Variants in AMMECR1 observed in about 807,000 individuals in gnomAD.
AMMECR1 encodes the protein AMMECR nuclear protein 1.
AMMECR1 carries 3 observed loss-of-function variants against 22.5 expected under a neutral mutation model. The ratio of observed to expected loss-of-function variants is 0.13; its 90% CI spans 0.06 to 0.35. The LOEUF (loss-of-function observed/expected upper bound fraction) is 0.35. AMMECR1 is among the 10% of genes least tolerant of loss of function. The pLI is 1.00. For missense variants in AMMECR1, 235 were observed against 278.7 expected (o/e 0.84, Z 1.12); for synonymous variants, 130 against 116.7 (o/e 1.11, Z -0.74).
intron 1 of AMMECR1, among the ~76,000 whole-genome samples, chrX:110,433,742 T>C (rs191205906): frequency 8.9e-6 from 1 of 112,295 alleles, no homozygotes; most frequent in Non-Finnish European, 1.9e-5. Context: ...CTAGCCTTTC[T>C]TCTTATCATG....
At chrX:110,395,551 G>A (rs751692075) in intron 2 of AMMECR1, among the ~76,000 whole-genome samples, 20 of 112,678 alleles carry the variant, frequency 1.8e-4, no homozygotes, top group Admixed American at 1.7e-3. Flanking sequence ...GAGCCTGGAG[G>A]TGACTTGCTC....
At chrX:110,351,472 C>G (rs2068211123) in intron 2 of AMMECR1, among the ~76,000 whole-genome samples, 1 of 111,356 alleles carries the variant, frequency 9.0e-6, no homozygotes, top group African/African-American at 3.3e-5. Context: ...TCAAGGGCAC[C>G]CAGACATTTC....
At chrX:110,414,986 C>G (rs2068667268) in intron 2 of AMMECR1, among the ~76,000 whole-genome samples, 1 of 111,709 alleles carries the variant, frequency 9.0e-6, no homozygotes, top group Non-Finnish European at 1.9e-5. Flanking sequence ...TCTCTGCCTC[C>G]CCATCCTCCA....
intron 3 of AMMECR1, among the ~76,000 whole-genome samples, chrX:110,206,444 C>T (rs2067422226): frequency 8.9e-6 from 1 of 111,983 alleles, no homozygotes; most frequent in Admixed American, 9.5e-5. Flanking sequence ...ACAGTCAAAG[C>T]TTAATATACC....
At chrX:110,224,349 A>AT (rs1457222504) in intron 2 of AMMECR1, among the ~76,000 whole-genome samples, 4 of 111,490 alleles carry the variant, frequency 3.6e-5, no homozygotes, top group African/African-American at 6.5e-5. Context: ...GAATATAAGA[A>AT]TAGATTACTA....
chrX:110,387,144 A>G (rs2068461494), intron 2 of AMMECR1, among the ~76,000 whole-genome samples: 1 of 111,852 alleles, frequency 8.9e-6, no homozygotes, highest in South Asian at 3.8e-4. Context: ...AGAGAAAAAA[A>G]TATTGACTGT....
chrX:110,436,175 G>A (rs1329456425), intron 1 of AMMECR1, among the ~76,000 whole-genome samples: 13 of 112,265 alleles, frequency 1.2e-4, no homozygotes, highest in Non-Finnish European at 2.3e-4. Flanking sequence ...TCTTTGTGAA[G>A]TATCTTTAGA....
intron 2 of AMMECR1, among the ~76,000 whole-genome samples, chrX:110,358,047 T>C (rs2068239664): frequency 8.9e-6 from 1 of 112,193 alleles, no homozygotes; most frequent in Non-Finnish European, 1.9e-5. Context: ...TTTGCCATTT[T>C]ATCAGAAGAA....
At chrX:110,357,748 A>G (rs189053398) in intron 2 of AMMECR1, among the ~76,000 whole-genome samples, 9 of 111,888 alleles carry the variant, frequency 8.0e-5, no homozygotes, top group African/African-American at 2.9e-4. Flanking sequence ...ATGCAGGAGA[A>G]AATACTATGC....
chrX:110,288,164 C>T (rs2067890224), intron 1 of AMMECR1, among the ~76,000 whole-genome samples: 1 of 111,376 alleles, frequency 9.0e-6, no homozygotes, highest in Non-Finnish European at 1.9e-5. Context: ...TGACTTGGAG[C>T]CATCAGATAG....
intron 2 of AMMECR1, among the ~76,000 whole-genome samples, chrX:110,326,111 T>A (rs1477312946): frequency 9.0e-6 from 1 of 111,194 alleles, no homozygotes; most frequent in East Asian, 2.8e-4. Context: ...TGCCTCAGCC[T>A]CCTGAGTAGC....
At chrX:110,346,652 T>A (rs757478424) in intron 2 of AMMECR1, 1 of 570,547 alleles carries the variant, frequency 1.8e-6, no homozygotes, top group Admixed American at 2.3e-5. Context: ...CTCTTGAATA[T>A]TCACTGGATC....
At chrX:110,246,263 T>A (rs764990099) in intron 2 of AMMECR1, among the ~76,000 whole-genome samples, 7 of 110,930 alleles carry the variant, frequency 6.3e-5, no homozygotes, top group Non-Finnish European at 1.3e-4. Context: ...AAATGAAAAC[T>A]GATCCAGTTA....
At chrX:110,365,203 G>A (rs2068289460) in intron 2 of AMMECR1, among the ~76,000 whole-genome samples, 1 of 111,850 alleles carries the variant, frequency 8.9e-6, no homozygotes, top group Non-Finnish European at 1.9e-5. Flanking sequence ...AAAAATGTCA[G>A]TTTCCTGGTC....
At chrX:110,248,794 G>A (rs2067672175) in intron 2 of AMMECR1, among the ~76,000 whole-genome samples, 1 of 112,188 alleles carries the variant, frequency 8.9e-6, no homozygotes, top group South Asian at 3.7e-4. Context: ...TTCCTTTATG[G>A]TGAATCCTTC....
chrX:110,231,942 G>A (rs757396080), intron 2 of AMMECR1, among the ~76,000 whole-genome samples: 2 of 111,383 alleles, frequency 1.8e-5, no homozygotes, highest in African/African-American at 6.5e-5. Flanking sequence ...ATGGTAAAGG[G>A]ATCAATGCAA....
chrX:110,402,656 T>C lies in AMMECR1; in HGVS notation c.-148+24002A>G, dbSNP rs1462173703. ...CTCAGAGGGAGTGGCTGGAGGCTGA[T>C]CTCATCCTGAAATGATGTGGGCTTG... On this transcript the variant is annotated intron_variant, in intron 2 of 7. Transcript: ENST00000372057. 1.8e-5 allele frequency among the ~76,000 whole-genome samples: 2 copies of C among 112,439 alleles called. 1 individual carries two copies. The highest frequency in any genetic ancestry group is 7.4e-4 in the South Asian group (2 of 2,717).
intron 1 of AMMECR1, among the ~76,000 whole-genome samples, chrX:110,297,182 A>G (rs920997967): frequency 3.6e-5 from 4 of 112,171 alleles, no homozygotes; most frequent in South Asian, 3.7e-4. Flanking sequence ...TTTGCCAAAA[A>G]GCCCTGTGTT....
At chrX:110,208,773 T>C (rs2067433338) in intron 3 of AMMECR1, among the ~76,000 whole-genome samples, 1 of 111,571 alleles carries the variant, frequency 9.0e-6, no homozygotes, top group East Asian at 2.8e-4. Flanking sequence ...TGAAGGAAAT[T>C]GATCTTACTC....
Sources: allele counts gnomAD v4.1 joint callset (sites outside exome capture counted in the v4.1 genomes callset), GRCh38; gene constraint gnomAD v4.1.1; transcripts MANE v1.5; gene names NCBI Gene and HGNC (gene_info 2026-07-23, HGNC 2026-07-21).